The following FER variants were observed in gnomAD, a reference collection of about 807,000 sequenced individuals.
FER encodes tyrosine-protein kinase Fer.
A neutral mutation model predicts 111.0 loss-of-function variants in FER; 63 were observed. The ratio of observed to expected loss-of-function variants is 0.57; its 90% CI spans 0.46 to 0.70. The LOEUF (loss-of-function observed/expected upper bound fraction) is 0.70. Ranked by LOEUF, FER falls within the 30% of genes least tolerant of loss-of-function variation. The pLI is 0.00. For missense variants in FER, 914 were observed against 954.0 expected (o/e 0.96, Z 0.55); for synonymous variants, 327 against 313.9 (o/e 1.04, Z -0.44).
intron 5 of FER, among the ~76,000 whole-genome samples, chr5:108,864,292 C>G (rs1036733764): frequency 2.0e-5 from 3 of 152,050 alleles, no homozygotes; most frequent in African/African-American, 7.2e-5. Flanking sequence ...TCTGTTTATA[C>G]GATGTGGATG....
intron 13 of FER, among the ~76,000 whole-genome samples, chr5:108,979,949 A>G (rs554196490): frequency 6.6e-6 from 1 of 152,066 alleles, no homozygotes; most frequent in African/African-American, 2.4e-5. Flanking sequence ...TGAATATGGG[A>G]TGGGGCACCA....
chr5:109,149,072 T>G lies in FER; in HGVS notation c.2049-31675T>G, dbSNP rs373139693. On this transcript the variant is annotated intron_variant, in intron 17 of 19. Transcript: ENST00000281092. ...CAAATAATAGTCAAGTCACTTTCCT[T>G]TTTTCTGATATATTAAAAAAAATGC... Among the ~76,000 whole-genome samples the G allele has an allele frequency of 4.8e-5, 7 of 145,898 alleles. No individual in the cohort carries two copies. In the South Asian group the frequency reaches 1.5e-3, roughly 32 times the overall value.
At chr5:108,975,191 G>A (rs1761173054) in intron 13 of FER, among the ~76,000 whole-genome samples, 1 of 152,144 alleles carries the variant, frequency 6.6e-6, no homozygotes, top group Admixed American at 6.5e-5. Context: ...TCATAAGTGG[G>A]AGTTGAACAG....
chr5:108,899,949 A>G (rs1381495486), intron 10 of FER, among the ~76,000 whole-genome samples: 1 of 152,242 alleles, frequency 6.6e-6, no homozygotes, highest in African/African-American at 2.4e-5. Context: ...GGCACCTTCA[A>G]GTTCTGCTCT....
chr5:109,018,558 G>A (rs1380680820), intron 13 of FER, among the ~76,000 whole-genome samples: 1 of 151,768 alleles, frequency 6.6e-6, no homozygotes, highest in Non-Finnish European at 1.5e-5. Flanking sequence ...TGGATGTGTA[G>A]AATGGTTAAA....
intron 2 of FER, among the ~76,000 whole-genome samples, chr5:108,789,100 G>C (rs1755069575): frequency 6.6e-6 from 1 of 152,194 alleles, no homozygotes; most frequent in African/African-American, 2.4e-5. Flanking sequence ...ACAGAAAAGT[G>C]TACAAATCAT....
chr5:109,097,838 A>G lies in FER; in HGVS notation c.1925-2558A>G, dbSNP rs1385509789. Among the ~76,000 whole-genome samples, 12 of 151,800 alleles carry G rather than the reference A, an allele frequency of 7.9e-5. No homozygotes were observed. The Admixed American group carries it at 7.9e-4, about 10-fold the overall frequency. The stretch of plus-strand genomic sequence containing the variant: ...TACTTGCGGAAGGCTTGGGCTTTCA[A>G]TAATGATTCATAATTATTTAATTTT... On this transcript the variant is annotated intron_variant, in intron 16 of 19. Transcript: ENST00000281092.
chr5:109,067,139 T>A (rs1775187596), intron 16 of FER, among the ~76,000 whole-genome samples: 1 of 152,120 alleles, frequency 6.6e-6, no homozygotes, highest in African/African-American at 2.4e-5. Context: ...GACATAAGAT[T>A]GGAAAGGTAG....
chr5:108,998,184 A>G (rs1012043193), intron 13 of FER, among the ~76,000 whole-genome samples: 12 of 108,368 alleles, frequency 1.1e-4, no homozygotes, highest in Middle Eastern at 4.5e-3. Context: ...CCGGGGTATG[A>G]AAAAAAAAAA....
chr5:109,094,318 TAATTGAGTAATACAGATTGAGCA>T (rs1449493523), intron 16 of FER, among the ~76,000 whole-genome samples: 2 of 152,108 alleles, frequency 1.3e-5, no homozygotes, highest in Non-Finnish European at 2.9e-5. Flanking sequence ...CTATATGGAA[TAATTGAGTAATACAGATTGAGCA>T]TCCCAAATCC....
chr5:109,052,247 G>A, intron 16 of FER: 1 of 1,606,512 alleles, frequency 6.2e-7, no homozygotes, highest in South Asian at 1.1e-5. Flanking sequence ...TGAGAGATTG[G>A]GAAAGACTTG....
intron 17 of FER, among the ~76,000 whole-genome samples, chr5:109,128,792 A>G (rs948756375): frequency 5.3e-5 from 8 of 152,114 alleles, no homozygotes; most frequent in Non-Finnish European, 5.9e-5. Context: ...TATTTTCAAA[A>G]CTTAAAGTTT....
intron 10 of FER, among the ~76,000 whole-genome samples, chr5:108,901,365 A>T (rs1749989222): frequency 6.6e-6 from 1 of 152,192 alleles, no homozygotes. Context: ...TAATGATTAA[A>T]GAATTAAAGC....
intron 8 of FER, among the ~76,000 whole-genome samples, chr5:108,875,392 C>G (rs1019131841): frequency 7.2e-5 from 11 of 152,010 alleles, no homozygotes; most frequent in Non-Finnish European, 1.0e-4. Flanking sequence ...CACCTATCTC[C>G]CATCTGCCTC....
In FER at chr5:109,035,919, T is replaced by C. The variant is rs192127865; in HGVS notation, c.1657-1503T>C. On this transcript the variant is annotated intron_variant, in intron 13 of 19. Transcript: ENST00000281092. The stretch of plus-strand genomic sequence containing the variant: ...TGTATATCACTGGTGACTAATGATG[T>C]TAAGTGTCTCTGATGTTCTTACTGG... Among the ~76,000 whole-genome samples, 40 of 152,282 alleles carry C rather than the reference T, an allele frequency of 2.6e-4. No individual in the cohort carries two copies. The East Asian group carries it at 7.5e-3, about 29-fold the overall frequency.
intron 13 of FER, among the ~76,000 whole-genome samples, chr5:109,029,312 A>G (rs932685059): frequency 9.7e-4 from 139 of 142,928 alleles, no homozygotes; most frequent in African/African-American, 3.5e-3. Flanking sequence ...TTAGTTACAT[A>G]TGTATACATG....
In FER at chr5:108,801,267, C is replaced by T. The variant is rs185137201; in HGVS notation, c.207+2878C>T. Among the ~76,000 whole-genome samples the T allele has an allele frequency of 2.0e-4, 30 of 152,300 alleles. 1 individual carries two copies. In the East Asian group the frequency reaches 5.6e-3, roughly 28 times the overall value. On this transcript the variant is annotated intron_variant, in intron 3 of 19. Coordinates refer to ENST00000281092, the MANE Select transcript of FER (RefSeq NM_005246.4). ...ATTTGTTGAAAACACTAAGCTTTCT[C>T]CATTGAATTGCCTTTGCATCTTTGT...
At chr5:108,819,843 T>A in intron 3 of FER, 1 of 985,382 alleles carries the variant, frequency 1.0e-6, no homozygotes, top group Non-Finnish European at 1.2e-6. Flanking sequence ...AGTTTTAATT[T>A]TTTTCCCCCA....
chr5:109,136,376 A>G (rs1391462189), intron 17 of FER, among the ~76,000 whole-genome samples: 1 of 152,220 alleles, frequency 6.6e-6, no homozygotes, highest in Non-Finnish European at 1.5e-5. Context: ...ATTTTTAAAT[A>G]GTTAGAATAC....
Sources: gnomAD v4.1 joint callset for allele counts (sites outside exome capture counted in the v4.1 genomes callset) on GRCh38, gnomAD v4.1.1 for gene constraint, MANE v1.5 for transcripts, NCBI Gene and HGNC (gene_info 2026-07-23, HGNC 2026-07-21) for gene names.